MIGA1: variants seen among roughly 807,000 people sequenced by gnomAD.
MIGA1 encodes family with sequence similarity 73, member A.
MIGA1 carries 58 observed loss-of-function variants against 82.0 expected under a neutral mutation model. That is an observed-to-expected ratio of 0.71 (90% CI 0.57 to 0.88). MIGA1 has a LOEUF of 0.88. MIGA1 is among the 40% of genes least tolerant of loss of function. The pLI is 0.00. For synonymous variants in MIGA1, 249 were observed against 253.6 expected (o/e 0.98, Z 0.17); for missense variants, 751 against 749.1 (o/e 1.00, Z -0.03).
At position 77,815,138 on chromosome 1, in the gene MIGA1, C is replaced by T; in HGVS notation, c.802C>T (p.Leu268Phe). The T allele has an allele frequency of 6.3e-7, 1 of 1,599,224 alleles. No homozygotes were observed. Residue 268 changes from leucine (L) to phenylalanine (F), a missense_variant, in exon 7 of 16, where the codon CTC (leucine) becomes TTC (phenylalanine). Coordinates refer to ENST00000370791, the MANE Select transcript of MIGA1 (RefSeq NM_198549.4). ...TATTAGTACTGAATTTATCCATAAACTCGAAGCTCTGCTGCAAAGAGCCTA... is the reference window on the plus strand; with the variant it reads ...TATTAGTACTGAATTTATCCATAAATTCGAAGCTCTGCTGCAAAGAGCCTA...
rs757391899 is a variant in MIGA1 at position 77,818,122 on chromosome 1, A to AT, written c.895+2909dup. Among the ~76,000 whole-genome samples the AT allele has an allele frequency of 5.8e-3, 789 of 134,966 alleles. 7 individuals are homozygous for AT. The highest frequency in any genetic ancestry group is 9.6e-3 in the African/African-American group (354 of 36,796). 88.5% of individuals were successfully genotyped at this position (134,966 alleles called of 152,430 possible). A position where few individuals can be genotyped will look rare whatever the true frequency, so the allele number is the denominator to read the frequency against. ...AGGTGTGTGCCACCACGTCCTGCTA[A>AT]TTTTTTTTTTTTTTTTTTGAGACAG... On this transcript the variant is annotated intron_variant, in intron 7 of 15. Transcript: ENST00000370791.
chr1:77,835,800 T>G (rs569726691), intron 7 of MIGA1, among the ~76,000 whole-genome samples: 1 of 151,750 alleles, frequency 6.6e-6, no homozygotes, highest in African/African-American at 2.4e-5. Flanking sequence ...ATACAGAAAT[T>G]AGCCAGGCGT....
chr1:77,859,090 A>T, intron 9 of MIGA1, 34 bp downstream of exon 9: 1 of 1,308,554 alleles, frequency 7.6e-7, no homozygotes, highest in Non-Finnish European at 1.1e-6. Context: ...TTTATGAAGG[A>T]TATTAAGGTG....
intron 5 of MIGA1, chr1:77,810,939 G>C (rs1019426794): frequency 1.2e-6 from 2 of 1,611,890 alleles, no homozygotes; most frequent in Non-Finnish European, 1.7e-6. Flanking sequence ...TTCTTTTAAA[G>C]TCAGTGGGTT....
At chr1:77,835,394 TGA>T (rs995646443) in intron 7 of MIGA1, among the ~76,000 whole-genome samples, 1 of 152,186 alleles carries the variant, frequency 6.6e-6, no homozygotes, top group Non-Finnish European at 1.5e-5. Flanking sequence ...TCTGGGTGAT[TGA>T]GACAGTTTAA....
chr1:77,839,481 C>G (rs552828612), intron 7 of MIGA1, among the ~76,000 whole-genome samples: 9 of 151,918 alleles, frequency 5.9e-5, no homozygotes, highest in Non-Finnish European at 8.8e-5. Flanking sequence ...AGCGATTCTC[C>G]CGCATCAGCC....
intron 7 of MIGA1, among the ~76,000 whole-genome samples, chr1:77,820,542 C>G (rs529671875): frequency 6.6e-6 from 1 of 152,078 alleles, no homozygotes; most frequent in Non-Finnish European, 1.5e-5. Context: ...TGTATTGGCT[C>G]GGAATTTGGA....
chr1:77,808,124 TTC>T (rs780059789), intron 5 of MIGA1, among the ~76,000 whole-genome samples: 2 of 150,112 alleles, frequency 1.3e-5, no homozygotes, highest in Admixed American at 6.6e-5. Context: ...CCAGCCACCT[TTC>T]TCTCTTTTTT....
At chr1:77,847,670 T>G (rs1475510968) in intron 8 of MIGA1, 16 of 1,570,820 alleles carry the variant, frequency 1.0e-5, no homozygotes, top group Non-Finnish European at 1.3e-5. Flanking sequence ...AGCAGAAAGA[T>G]CTCAGTGGAT....
chr1:77,857,754 C>CTACT (rs1356574417), intron 8 of MIGA1, among the ~76,000 whole-genome samples: 1 of 110,974 alleles, frequency 9.0e-6, no homozygotes, highest in Non-Finnish European at 1.8e-5. Flanking sequence ...GCTTAGCTGG[C>CTACT]TACTCTACAG....
intron 14 of MIGA1, among the ~76,000 whole-genome samples, chr1:77,872,724 A>G (rs1646856622): frequency 6.6e-6 from 1 of 152,202 alleles, no homozygotes; most frequent in Admixed American, 6.5e-5. Flanking sequence ...TAACTTTCTT[A>G]ATAGCATGGC....
At chr1:77,799,834 A>T (rs1570932880) in intron 2 of MIGA1, among the ~76,000 whole-genome samples, 2 of 146,784 alleles carry the variant, frequency 1.4e-5, no homozygotes. Flanking sequence ...GACTGGCTAG[A>T]GGTTTTATTA....
At chr1:77,866,727 AGGCT>A (rs1685685103) in intron 14 of MIGA1, among the ~76,000 whole-genome samples, 1 of 144,410 alleles carries the variant, frequency 6.9e-6, no homozygotes, top group Non-Finnish European at 1.5e-5. Flanking sequence ...TCTGTTGTCC[AGGCT>A]GGAGTGTGGT....
At chr1:77,859,800 T>G in intron 10 of MIGA1, 2 of 422,028 alleles carry the variant, frequency 4.7e-6, no homozygotes, top group Middle Eastern at 1.2e-3. Context: ...TATTTGAGAC[T>G]GTAATATGAT....
intron 4 of MIGA1, among the ~76,000 whole-genome samples, chr1:77,805,838 A>G (rs952675598): frequency 5.9e-5 from 9 of 152,116 alleles, no homozygotes; most frequent in African/African-American, 2.2e-4. Context: ...TGCCTGTTCT[A>G]TAATGTGAAC....
At chr1:77,829,532 G>A (rs1002362962) in intron 7 of MIGA1, among the ~76,000 whole-genome samples, 28 of 152,118 alleles carry the variant, frequency 1.8e-4, no homozygotes, top group Admixed American at 5.9e-4. Context: ...GCCGCGGCGC[G>A]ATCTCAGCTC....
chr1:77,786,937 T>C (rs558290885), intron 2 of MIGA1, among the ~76,000 whole-genome samples: 1 of 152,230 alleles, frequency 6.6e-6, no homozygotes, highest in Admixed American at 6.5e-5. Context: ...TAGTCCATTT[T>C]CATGCTGCTG....
chr1:77,828,770 T>A (rs560712314), intron 7 of MIGA1, among the ~76,000 whole-genome samples: 2 of 152,314 alleles, frequency 1.3e-5, no homozygotes, highest in African/African-American at 4.8e-5. Context: ...ACTATTGGGC[T>A]CAAGGGATCC....
rs892912094 is a variant in MIGA1, at chr1:77,832,897, T to C, written c.896-10410T>C. On this transcript the variant is annotated intron_variant, in intron 7 of 15. Coordinates refer to ENST00000370791, the MANE Select transcript of MIGA1 (RefSeq NM_198549.4). ...TTTTTGTTGCTGCTCCTTTATAAGATTTTATTGAGTCAGTGAGACATCCTT... is the reference window on the plus strand; with the variant it reads ...TTTTTGTTGCTGCTCCTTTATAAGACTTTATTGAGTCAGTGAGACATCCTT... Among the ~76,000 whole-genome samples the C allele has an allele frequency of 3.3e-5, 5 of 152,194 alleles. No homozygotes were observed. The East Asian group carries it at 9.6e-4, about 29-fold the overall frequency.
Sources: allele counts gnomAD v4.1 joint callset (sites outside exome capture counted in the v4.1 genomes callset), GRCh38; gene constraint gnomAD v4.1.1; transcripts MANE v1.5; gene names NCBI Gene and HGNC (gene_info 2026-07-23, HGNC 2026-07-21).